TBC1D21: variants seen among roughly 807,000 people sequenced by gnomAD.
TBC1D21 encodes male germ cell Rab GTPase-activating protein.
TBC1D21 carries 38 observed loss-of-function variants against 46.0 expected under a neutral mutation model. The observed-to-expected ratio is 0.83, with a 90% CI of 0.64 to 1.08. TBC1D21 has a LOEUF of 1.08. Among genes scored for constraint, TBC1D21 ranks in the 50% least tolerant of loss-of-function variants. TBC1D21 has a pLI of 0.00. For synonymous variants in TBC1D21, 151 were observed against 157.2 expected (o/e 0.96, Z 0.29); for missense variants, 415 against 417.9 (o/e 0.99, Z 0.06).
At position 73,881,507 on chromosome 15, in the gene TBC1D21, G is replaced by A. The variant is rs2068154124; in HGVS notation, c.168+1G>A. ...CATTTGTGTTAACATCCTGGAAAGGGTGGGTCCCCAAGCTACCCTTGGCCT... is the reference window on the plus strand; with the variant it reads ...CATTTGTGTTAACATCCTGGAAAGGATGGGTCCCCAAGCTACCCTTGGCCT... On this transcript the variant is annotated splice_donor_variant, in intron 2 of 10. Transcript: ENST00000300504. LOFTEE classifies it high-confidence loss of function. 1.9e-6 allele frequency: 3 copies of A among 1,613,890 alleles called. No individual in the cohort carries two copies. Among genetic ancestry groups the A allele is most frequent in the Admixed American group, 3.3e-5 (2 of 60,004 alleles).
intron 8 of TBC1D21, among the ~76,000 whole-genome samples, chr15:73,887,030 C>T (rs1011965620): frequency 1.3e-5 from 2 of 152,130 alleles, no homozygotes; most frequent in African/African-American, 2.4e-5. Flanking sequence ...TCCCTAAGGA[C>T]ACCTGTAGTC....
chr15:73,876,400 G>GT (rs71137360), intron 1 of TBC1D21, among the ~76,000 whole-genome samples: 20,649 of 131,474 alleles, frequency 0.16, 1,782 homozygotes, highest in South Asian at 0.23. Flanking sequence ...GGTAATTTTT[G>GT]TTTTTTTTTT....
intron 1 of TBC1D21, among the ~76,000 whole-genome samples, chr15:73,881,007 T>C (rs1394815716): frequency 6.6e-6 from 1 of 152,206 alleles, no homozygotes; most frequent in Admixed American, 6.5e-5. Flanking sequence ...ATATAGTACA[T>C]AGAGAAAATG....
chr15:73,875,653 T>C (rs902981008), intron 1 of TBC1D21, among the ~76,000 whole-genome samples: 4 of 152,092 alleles, frequency 2.6e-5, no homozygotes, highest in African/African-American at 4.8e-5. Context: ...GGTTTGCTGA[T>C]GTAGAACTTT....
In TBC1D21 at chr15:73,881,561, AG is replaced by A. The variant is rs2068155255; in HGVS notation, c.168+60del. On this transcript the variant is annotated intron_variant, in intron 2 of 10. Coordinates refer to ENST00000300504, the MANE Select transcript of TBC1D21 (RefSeq NM_153356.3). ...CCTGGAACTGGGAGCATGGATGGGC[AG>A]GGGGCAGGTGTGGCGTTGGATGAAG... 73 of 1,601,618 alleles carry A rather than the reference AG, an allele frequency of 4.6e-5. 1 individual carries two copies. The South Asian group carries it at 7.6e-4, about 17-fold the overall frequency.
rs2068059041 is a variant in TBC1D21, at chr15:73,876,203, T to TG, written c.60+2434_60+2435insG. On this transcript the variant is annotated intron_variant, in intron 1 of 10. Transcript: ENST00000300504. ...AATCAGTGACTTTTTTTGTGGGTTT[T>TG]TTTTTTTTTTTTTTTTTTTTTTTTT... 7.7e-4 allele frequency among the ~76,000 whole-genome samples: 6 copies of TG among 7,798 alleles called. 1 individual carries two copies. The highest frequency in any genetic ancestry group is 1.4e-3 in the Non-Finnish European group (5 of 3,648). The allele number at this position is 7,798 out of a possible 152,430, so 5.1% of individuals were successfully genotyped here.
At position 73,886,535 on chromosome 15, in the gene TBC1D21, C is replaced by T. The variant is rs770828282; in HGVS notation, c.700C>T (p.Gln234Ter). Reference protein sequence around the residue: ...HLKGKGAGAVQSLFPWFCFCF... With the variant: ...HLKGKGAGAV ...AGAAGGGAAGGGTGCAGGGGCTGTG[C>T]AGTCCCTCTTCCCCTGGTTCTGCTT... The change falls in exon 8 of 11, where the codon CAG becomes TAG. Residue 234 changes from glutamine (Q) to a stop codon, truncating the protein, a stop_gained. Transcript: ENST00000300504. LOFTEE classifies it high-confidence loss of function. The T allele has an allele frequency of 3.1e-6, 5 of 1,613,732 alleles. No individual in the cohort carries two copies. In the Admixed American group the frequency reaches 5.0e-5, roughly 16 times the overall value.
intron 1 of TBC1D21, among the ~76,000 whole-genome samples, chr15:73,875,095 A>G (rs549709583): frequency 6.6e-6 from 1 of 152,082 alleles, no homozygotes; most frequent in East Asian, 1.9e-4. Context: ...AAAAAATACA[A>G]AAAATTAGCC....
At chr15:73,880,211 A>C (rs1175627583) in intron 1 of TBC1D21, among the ~76,000 whole-genome samples, 2 of 152,080 alleles carry the variant, frequency 1.3e-5, no homozygotes, top group East Asian at 3.9e-4. Flanking sequence ...ATTATTTTAT[A>C]AGCATTTTGA....
chr15:73,896,527 G>A, the TBC1D21 span, among the ~76,000 whole-genome samples: 3 of 151,912 alleles, frequency 2.0e-5, no homozygotes, highest in Non-Finnish European at 4.4e-5. Flanking sequence ...GGTGGGGGGA[G>A]TTGGTGACAA....
downstream of TBC1D21, chr15:73,889,237 C>A: frequency 9.2e-7 from 1 of 1,092,556 alleles, no homozygotes; most frequent in Non-Finnish European, 1.3e-6. Flanking sequence ...GATGCTATGT[C>A]TTTGACCTTA....
At chr15:73,901,260 A>G in the TBC1D21 span, among the ~76,000 whole-genome samples, 26 of 152,320 alleles carry the variant, frequency 1.7e-4, no homozygotes, top group Middle Eastern at 3.4e-3. Context: ...TCCCCTGCAC[A>G]GGGAAGCCTC....
chr15:73,889,872 G>A (rs749616878), downstream of TBC1D21, among the ~76,000 whole-genome samples: 15 of 152,200 alleles, frequency 9.9e-5, no homozygotes, highest in African/African-American at 2.2e-4. Context: ...CCACAGCCCT[G>A]AGCCCCTGTC....
intron 1 of TBC1D21, among the ~76,000 whole-genome samples, chr15:73,876,770 T>C (rs1267608409): frequency 6.6e-6 from 1 of 152,236 alleles, no homozygotes; most frequent in Non-Finnish European, 1.5e-5. Context: ...TTTGACTTTT[T>C]TTCGTATCTT....
intron 1 of TBC1D21, among the ~76,000 whole-genome samples, chr15:73,874,956 A>T (rs76721660): frequency 6.6e-6 from 1 of 152,166 alleles, no homozygotes; most frequent in South Asian, 2.1e-4. Flanking sequence ...GGAGTAGAAA[A>T]GAGAACCTGT....
rs1457138772 is a variant in TBC1D21 at position 73,884,336 on chromosome 15, C to G, written c.367+91C>G. On this transcript the variant is annotated intron_variant, in intron 4 of 10. Transcript: ENST00000300504. Reference sequence around the variant, plus strand: ...CAGCCACTTCCAGGGAGGGATGGCTCCAGGATCCTGGGAGTTGCTTTGACT... The same window carrying G: ...CAGCCACTTCCAGGGAGGGATGGCTGCAGGATCCTGGGAGTTGCTTTGACT... 3 of 1,218,774 alleles carry G rather than the reference C, an allele frequency of 2.5e-6. No individual in the cohort carries two copies. In the Admixed American group the frequency reaches 5.1e-5, roughly 21 times the overall value. The allele number at this position is 1,218,774 out of a possible 1,614,324, so 75.5% of individuals were successfully genotyped here. A position where few individuals can be genotyped will look rare whatever the true frequency, so the allele number is the denominator to read the frequency against.
At chr15:73,896,588 C>T in the TBC1D21 span, among the ~76,000 whole-genome samples, 22 of 151,634 alleles carry the variant, frequency 1.5e-4, no homozygotes, top group Admixed American at 1.1e-3. Flanking sequence ...GAGAACGTGG[C>T]GGAACAAAGG....
chr15:73,879,311 G>A (rs1257673993), intron 1 of TBC1D21, among the ~76,000 whole-genome samples: 2 of 152,052 alleles, frequency 1.3e-5, no homozygotes, highest in Non-Finnish European at 2.9e-5. Flanking sequence ...AGGTTCAAGC[G>A]ATTCTTCTGC....
chr15:73,886,053 G>GTC (rs2068239657), intron 6 of TBC1D21, 25 bp from the exon 7 acceptor site: 1 of 1,610,386 alleles, frequency 6.2e-7, no homozygotes, highest in Non-Finnish European at 8.5e-7. Context: ...GGGGGACTCA[G>GTC]TCTGTCTCCC....
Sources: gnomAD v4.1 joint callset for allele counts (sites outside exome capture counted in the v4.1 genomes callset) on GRCh38, gnomAD v4.1.1 for gene constraint, MANE v1.5 for transcripts, NCBI Gene and HGNC (gene_info 2026-07-23, HGNC 2026-07-21) for gene names.